FAM135B: variants seen among roughly 807,000 people sequenced by gnomAD.
FAM135B encodes the protein protein FAM135B.
A neutral mutation model predicts 127.7 loss-of-function variants in FAM135B; 43 were observed. The ratio of observed to expected loss-of-function variants is 0.34; its 90% CI spans 0.26 to 0.43. The LOEUF (loss-of-function observed/expected upper bound fraction) is 0.43. FAM135B is among the 20% of genes least tolerant of loss of function. The pLI is 1.00. For missense variants in FAM135B, 1,558 were observed against 1,725.6 expected (o/e 0.90, Z 1.72); for synonymous variants, 670 against 665.1 (o/e 1.01, Z -0.11).
chr8:138,379,124 C>G (rs946588776), intron 1 of FAM135B, among the ~76,000 whole-genome samples: 1 of 152,176 alleles, frequency 6.6e-6, no homozygotes, highest in Admixed American at 6.5e-5. Context: ...CAAACAGACT[C>G]CTAAGTGTGT....
chr8:138,197,813 A>G, intron 7 of FAM135B, 144 bp from the exon 8 acceptor site: 1 of 802,602 alleles, frequency 1.2e-6, no homozygotes, highest in Middle Eastern at 2.9e-4. Flanking sequence ...CCTGAGTAAA[A>G]CTGGAACATG....
intron 12 of FAM135B, among the ~76,000 whole-genome samples, chr8:138,155,096 C>T (rs1475953926): frequency 6.6e-6 from 1 of 152,194 alleles, no homozygotes; most frequent in East Asian, 1.9e-4. Flanking sequence ...CAGTGGATCT[C>T]TCAGCAACAA....
chr8:138,188,918 G>A (rs1653518179), intron 9 of FAM135B, among the ~76,000 whole-genome samples: 1 of 152,228 alleles, frequency 6.6e-6, no homozygotes, highest in Non-Finnish European at 1.5e-5. Context: ...ACAGGGACAG[G>A]AGACAGGAAA....
rs535833081 is a variant in FAM135B, at chr8:138,306,384, G to A, written c.157+4457C>T. ...CGAAAGGTGGAGGTTGTGGTGAGCC[G>A]AGATTGCACCACTACACTCCAGTCT... is the stretch of plus-strand genomic sequence containing the variant. On this transcript the variant is annotated intron_variant, in intron 3 of 19. Coordinates refer to ENST00000395297, the MANE Select transcript of FAM135B (RefSeq NM_015912.4). Among the ~76,000 whole-genome samples, 406 of 144,784 alleles carry A rather than the reference G, an allele frequency of 2.8e-3. 10 individuals are homozygous for A. Among genetic ancestry groups the A allele is most frequent in the Non-Finnish European group, 4.4e-4 (29 of 66,580 alleles). 95.0% of individuals were successfully genotyped at this position (144,784 alleles called of 152,430 possible). A position where few individuals can be genotyped will look rare whatever the true frequency, so the allele number is the denominator to read the frequency against.
intron 4 of FAM135B, among the ~76,000 whole-genome samples, chr8:138,261,735 T>C (rs906471074): frequency 6.7e-6 from 1 of 148,352 alleles, no homozygotes; most frequent in Admixed American, 6.8e-5. Flanking sequence ...TGGTCATCTC[T>C]TGTACTTATC....
At chr8:138,237,621 T>A (rs4909407) in intron 7 of FAM135B, among the ~76,000 whole-genome samples, 30,474 of 152,208 alleles carry the variant, frequency 0.2, 3,334 homozygotes, top group Non-Finnish European at 0.23. Context: ...TAATATTTAA[T>A]TCATTAGACT....
chr8:138,453,675 T>C (rs1187073379), intron 1 of FAM135B, among the ~76,000 whole-genome samples: 1 of 152,196 alleles, frequency 6.6e-6, no homozygotes, highest in Non-Finnish European at 1.5e-5. Flanking sequence ...AGGGTCCATA[T>C]TGCTGTTCTT....
In FAM135B at chr8:138,367,887, A is replaced by ACACACAC. The variant is rs1554676451; in HGVS notation, c.77+19_77+20insGTGTGTG. On this transcript the variant is annotated intron_variant, in intron 2 of 19. Coordinates refer to ENST00000395297, the MANE Select transcript of FAM135B (RefSeq NM_015912.4). ...CACACACACACACACACACACACACAAATTGTAAAGCATACTTACCCTCTC... is the reference window on the plus strand; with the variant it reads ...CACACACACACACACACACACACACACACACACAATTGTAAAGCATACTTACCCTCTC... The ACACACAC allele has an allele frequency of 5.1e-6, 8 of 1,573,526 alleles. No homozygotes were observed. Among genetic ancestry groups the ACACACAC allele is most frequent in the South Asian group, 3.3e-5 (3 of 90,234 alleles).
At position 138,290,438 on chromosome 8, in the gene FAM135B, T is replaced by C. The variant is rs145174651; in HGVS notation, c.157+20403A>G. Among the ~76,000 whole-genome samples, 24 of 152,298 alleles carry C rather than the reference T, an allele frequency of 1.6e-4. 1 individual carries two copies. The East Asian group carries it at 4.6e-3, about 29-fold the overall frequency. On this transcript the variant is annotated intron_variant, in intron 3 of 19. Transcript: ENST00000395297. ...ATAAGAACTTAGCGGTCTCAATGTG[T>C]CTATCTTTAACTTTTGCCTTTTTTC...
intron 9 of FAM135B, among the ~76,000 whole-genome samples, chr8:138,191,829 A>G (rs1816155159): frequency 6.6e-6 from 1 of 152,232 alleles, no homozygotes; most frequent in East Asian, 1.9e-4. Context: ...ATGACAAGCC[A>G]AAGCCCCCAT....
At chr8:138,483,869 G>A (rs74931567) in intron 1 of FAM135B, among the ~76,000 whole-genome samples, 9 of 152,104 alleles carry the variant, frequency 5.9e-5, no homozygotes, top group Non-Finnish European at 1.5e-5. Flanking sequence ...TACACTATAC[G>A]TTACATTTGC....
intron 2 of FAM135B, among the ~76,000 whole-genome samples, chr8:138,315,854 C>T (rs193227210): frequency 2.0e-5 from 3 of 151,718 alleles, no homozygotes; most frequent in Admixed American, 1.3e-4. Context: ...TTACCGGGAA[C>T]GGAGAAGGGA....
chr8:138,385,560 C>T (rs1832146941), intron 1 of FAM135B, among the ~76,000 whole-genome samples: 1 of 152,144 alleles, frequency 6.6e-6, no homozygotes, highest in Non-Finnish European at 1.5e-5. Context: ...CCTGTAATTC[C>T]AGCACTTTGG....
At chr8:138,458,735 C>T (rs1420839983) in intron 1 of FAM135B, among the ~76,000 whole-genome samples, 1 of 152,126 alleles carries the variant, frequency 6.6e-6, no homozygotes, top group Non-Finnish European at 1.5e-5. Flanking sequence ...GACCATATGG[C>T]CTGGATGACC....
At chr8:138,489,704 T>C (rs1815126563) in intron 1 of FAM135B, among the ~76,000 whole-genome samples, 2 of 151,902 alleles carry the variant, frequency 1.3e-5, no homozygotes, top group African/African-American at 2.4e-5. Context: ...TTCCCACCCC[T>C]GTCTCAAGTT....
intron 2 of FAM135B, among the ~76,000 whole-genome samples, chr8:138,351,435 T>A (rs1336056180): frequency 6.6e-6 from 1 of 152,016 alleles, no homozygotes; most frequent in East Asian, 1.9e-4. Context: ...ACTGTAGTAA[T>A]GCACTGAAAA....
chr8:138,421,072 G>A (rs908787841), intron 1 of FAM135B, among the ~76,000 whole-genome samples: 3 of 152,222 alleles, frequency 2.0e-5, no homozygotes, highest in African/African-American at 7.2e-5. Context: ...AGCACTTTGG[G>A]AGGCAGAGGC....
intron 12 of FAM135B, among the ~76,000 whole-genome samples, chr8:138,161,811 G>A (rs1319043): frequency 1.0e-3 from 155 of 152,232 alleles, no homozygotes; most frequent in African/African-American, 3.5e-3. Context: ...AAGAAATTCC[G>A]AGCCTCCCTT....
chr8:138,407,810 A>C (rs1833610656), intron 1 of FAM135B, among the ~76,000 whole-genome samples: 1 of 152,202 alleles, frequency 6.6e-6, no homozygotes, highest in Admixed American at 6.5e-5. Context: ...AAACCCTAGA[A>C]GAAAACCTAG....
Sources: gnomAD v4.1 joint callset for allele counts (sites outside exome capture counted in the v4.1 genomes callset) on GRCh38, gnomAD v4.1.1 for gene constraint, MANE v1.5 for transcripts, NCBI Gene and HGNC (gene_info 2026-07-23, HGNC 2026-07-21) for gene names.